MAML2: variants seen among roughly 807,000 people sequenced by gnomAD.
MAML2 encodes mastermind-like protein 2.
MAML2 carries 22 observed loss-of-function variants against 96.1 expected under a neutral mutation model. The ratio of observed to expected loss-of-function variants is 0.23; its 90% CI spans 0.16 to 0.33. The LOEUF is 0.33. Ranked by LOEUF, MAML2 falls within the 10% of genes least tolerant of loss-of-function variation. The pLI is 1.00. For synonymous variants in MAML2, 561 were observed against 521.3 expected (o/e 1.08, Z -1.04); for missense variants, 1,367 against 1,392.4 (o/e 0.98, Z 0.29).
At position 96,092,968 on chromosome 11, in the gene MAML2, G is replaced by A; in HGVS notation, c.1063C>T (p.Pro355Ser). 1.2e-6 allele frequency: 2 copies of A among 1,613,738 alleles called. No individual in the cohort carries two copies. Among genetic ancestry groups the A allele is most frequent in the Non-Finnish European group, 1.7e-6 (2 of 1,179,734 alleles). The change falls in exon 2 of 5, where the codon CCC (proline) becomes TCC (serine). Residue 355 changes from proline (P) to serine (S), a missense_variant. Pro to Ser is a moderately conservative substitution (Grantham distance 74). Coordinates refer to ENST00000524717, the MANE Select transcript of MAML2 (RefSeq NM_032427.4). The surrounding 1 kb of genome is among the most constrained non-coding windows in gnomAD (Gnocchi z 4.1). ...GQQSQRSTPRPSLPMEKIVIK... is the reference protein window; with the variant it reads ...GQQSQRSTPRSSLPMEKIVIK... Reference sequence around the variant, plus strand: ...ACTATTTTCTCCATGGGTAAGGAGGGCCTAGGTGTGCTCCTCTGGCTTTGC... The same window carrying A: ...ACTATTTTCTCCATGGGTAAGGAGGACCTAGGTGTGCTCCTCTGGCTTTGC...
At chr11:96,071,255 A>G (rs1859340577) in intron 2 of MAML2, among the ~76,000 whole-genome samples, 1 of 152,276 alleles carries the variant, frequency 6.6e-6, no homozygotes, top group Non-Finnish European at 1.5e-5. Flanking sequence ...CTTCAGCTAT[A>G]AGACCACAGA....
chr11:96,011,639 G>A (rs946950674), intron 2 of MAML2, among the ~76,000 whole-genome samples: 6 of 152,082 alleles, frequency 3.9e-5, no homozygotes, highest in African/African-American at 1.2e-4. Flanking sequence ...TTTGGGTGAC[G>A]GGATCAATAG....
At chr11:96,328,254 A>G (rs1863811386) in intron 1 of MAML2, among the ~76,000 whole-genome samples, 1 of 152,222 alleles carries the variant, frequency 6.6e-6, no homozygotes, top group African/African-American at 2.4e-5. Context: ...TATTTTTAAA[A>G]AGAAAAGCCA....
At chr11:96,135,858 A>G (rs1477821536) in intron 1 of MAML2, among the ~76,000 whole-genome samples, 5 of 66,822 alleles carry the variant, frequency 7.5e-5, no homozygotes, top group African/African-American at 2.9e-4. Flanking sequence ...GTGAGACACC[A>G]TCTCAAAAAA....
intron 2 of MAML2, among the ~76,000 whole-genome samples, chr11:96,001,296 G>A (rs1858074299): frequency 6.6e-6 from 1 of 152,192 alleles, no homozygotes; most frequent in African/African-American, 2.4e-5. Flanking sequence ...CAAAACGTCA[G>A]TGGGTCAGGG....
At position 96,342,348 on chromosome 11, in the gene MAML2, A is replaced by G. The variant is rs1864010093; in HGVS notation, c.-453T>C. Reference sequence around the variant, plus strand: ...GTATTAATAGAGAGGACTCCCCCTCACCTAGTTGTTTCCGACAATTCTTTA... The same window carrying G: ...GTATTAATAGAGAGGACTCCCCCTCGCCTAGTTGTTTCCGACAATTCTTTA... On this transcript the variant is annotated 5_prime_UTR_variant, in exon 1 of 5. Transcript: ENST00000524717. The G allele has an allele frequency of 2.5e-6, 1 of 399,960 alleles. No individual in the cohort carries two copies. The highest frequency in any genetic ancestry group is 4.4e-5 in the Admixed American group (1 of 22,928). The allele number at this position is 399,960 out of a possible 1,614,324, so 24.8% of individuals were successfully genotyped here.
chr11:95,980,913 A>G (rs984915243), intron 4 of MAML2, among the ~76,000 whole-genome samples: 9 of 152,204 alleles, frequency 5.9e-5, no homozygotes, highest in African/African-American at 2.2e-4. Flanking sequence ...TGAAGGCTGA[A>G]AAACTGGACT....
chr11:96,114,376 G>T (rs1397943328), intron 1 of MAML2, among the ~76,000 whole-genome samples: 1 of 152,142 alleles, frequency 6.6e-6, no homozygotes, highest in African/African-American at 2.4e-5. Context: ...TAATTTCATC[G>T]TTTGATCCTA....
At chr11:96,152,089 G>A (rs2135878769) in intron 1 of MAML2, among the ~76,000 whole-genome samples, 1 of 152,246 alleles carries the variant, frequency 6.6e-6, no homozygotes, top group South Asian at 2.1e-4. Context: ...CAGATATGGT[G>A]GTGTGCACCT....
At chr11:96,134,996 G>A (rs1860605173) in intron 1 of MAML2, among the ~76,000 whole-genome samples, 1 of 152,186 alleles carries the variant, frequency 6.6e-6, no homozygotes, top group Non-Finnish European at 1.5e-5. Flanking sequence ...CCCAATGCCT[G>A]GTATTGCACT....
At chr11:96,112,161 C>T (rs554247541) in intron 1 of MAML2, among the ~76,000 whole-genome samples, 12 of 152,304 alleles carry the variant, frequency 7.9e-5, no homozygotes, top group South Asian at 4.1e-4. Context: ...ATGCTTCCAT[C>T]GGATAGGGCA....
chr11:96,194,647 C>A (rs1310763536), intron 1 of MAML2, among the ~76,000 whole-genome samples: 1 of 152,180 alleles, frequency 6.6e-6, no homozygotes. Flanking sequence ...CTTTTGTTCA[C>A]AGGAGCTAAA....
chr11:96,185,987 C>T (rs974985940), intron 1 of MAML2, among the ~76,000 whole-genome samples: 2 of 152,188 alleles, frequency 1.3e-5, no homozygotes, highest in Non-Finnish European at 2.9e-5. Context: ...CCTCCCCAGA[C>T]CTACTGGGTC....
chr11:96,062,818 T>C (rs1859185767), intron 2 of MAML2, among the ~76,000 whole-genome samples: 1 of 152,168 alleles, frequency 6.6e-6, no homozygotes, highest in African/African-American at 2.4e-5. Flanking sequence ...TTTTTGTTCC[T>C]GAGCCTTCTT....
chr11:96,262,705 A>C (rs1196951170), intron 1 of MAML2, among the ~76,000 whole-genome samples: 1 of 152,162 alleles, frequency 6.6e-6, no homozygotes, highest in Non-Finnish European at 1.5e-5. Context: ...TCCTGACCTC[A>C]TGATCCGCCC....
At chr11:96,109,536 A>C (rs1196613521) in intron 1 of MAML2, among the ~76,000 whole-genome samples, 1 of 152,136 alleles carries the variant, frequency 6.6e-6, no homozygotes, top group Non-Finnish European at 1.5e-5. Flanking sequence ...GAGAATGAGA[A>C]AGAACTTAGG....
intron 2 of MAML2, among the ~76,000 whole-genome samples, chr11:96,077,096 T>C (rs1171806144): frequency 1.3e-5 from 2 of 152,066 alleles, no homozygotes; most frequent in African/African-American, 4.8e-5. Flanking sequence ...AGAGTTAAAA[T>C]TGCCTTATAA....
At chr11:96,156,581 G>A (rs1179506192) in intron 1 of MAML2, among the ~76,000 whole-genome samples, 4 of 152,246 alleles carry the variant, frequency 2.6e-5, no homozygotes, top group East Asian at 3.9e-4. Context: ...AGGATAAGGC[G>A]ATTGCCTAAG....
intron 1 of MAML2, among the ~76,000 whole-genome samples, chr11:96,234,741 C>T (rs1862343964): frequency 6.6e-6 from 1 of 152,148 alleles, no homozygotes; most frequent in Non-Finnish European, 1.5e-5. Context: ...AGGAATTTTG[C>T]TGTACAAATA....
Sources: allele counts gnomAD v4.1 joint callset (sites outside exome capture counted in the v4.1 genomes callset), GRCh38; gene constraint gnomAD v4.1.1; non-coding constraint Gnocchi (gnomAD v3.1); transcripts MANE v1.5; gene names NCBI Gene and HGNC (gene_info 2026-07-23, HGNC 2026-07-21).